CT55: variants seen among roughly 807,000 people sequenced by gnomAD.
The protein encoded by CT55 is cancer/testis antigen 55.
A neutral mutation model predicts 12.6 loss-of-function variants in CT55; 1 was observed. The observed-to-expected ratio is 0.08, with a 90% CI of 0.03 to 0.38. The LOEUF (loss-of-function observed/expected upper bound fraction) is 0.38, where lower values mean the gene tolerates loss of function less well. CT55 is among the 10% of genes least tolerant of loss of function. CT55 has a pLI of 0.99. For missense variants in CT55, 109 were observed against 135.4 expected (o/e 0.80, Z 0.97); for synonymous variants, 43 against 49.7 (o/e 0.87, Z 0.57).
intron 4 of CT55, 26 bp downstream of exon 4, chrX:135,158,173 G>A (rs1556404433): frequency 1.0e-6 from 1 of 989,697 alleles, no homozygotes. Flanking sequence ...AGAAACTGCT[G>A]ACGGGAGCAA....
Position 135,166,914 on chromosome X carries a change from T to C in CT55, c.279+2680A>G, listed in dbSNP as rs782309139. 4.5e-5 allele frequency among the ~76,000 whole-genome samples: 5 copies of C among 111,792 alleles called. No homozygotes were observed. In the South Asian group the frequency reaches 1.9e-3, roughly 42 times the overall value. Reference sequence around the variant, plus strand: ...CCAAGGAGGTGAAGGATTGCAACACTGAAAACTATAAACCATTGACGAAGC... The same window carrying C: ...CCAAGGAGGTGAAGGATTGCAACACCGAAAACTATAAACCATTGACGAAGC... On this transcript the variant is annotated intron_variant, in intron 2 of 5. Transcript: ENST00000276241.
chrX:135,163,613 G>A (rs1385924782), intron 2 of CT55, among the ~76,000 whole-genome samples: 1 of 111,017 alleles, frequency 9.0e-6, no homozygotes, highest in Non-Finnish European at 1.9e-5. Context: ...TCAAGAGGGA[G>A]GAGTGAAAAA....
At chrX:135,165,370 T>C (rs1267397597) in intron 2 of CT55, among the ~76,000 whole-genome samples, 2 of 111,787 alleles carry the variant, frequency 1.8e-5, no homozygotes, top group Non-Finnish European at 3.8e-5. Context: ...AGTGTAAACA[T>C]TTCTTGAGTT....
intron 4 of CT55, among the ~76,000 whole-genome samples, chrX:135,157,934 T>C (rs1404033422): frequency 2.7e-5 from 2 of 73,702 alleles, no homozygotes; most frequent in Non-Finnish European, 5.1e-5. Context: ...CTCCTGTCCT[T>C]GGAAGATTCT....
In CT55 at chrX:135,159,752, G is replaced by A. The variant is rs1246687250; in HGVS notation, c.424+659C>T. Among the ~76,000 whole-genome samples, 3 of 111,865 alleles carry A rather than the reference G, an allele frequency of 2.7e-5. No homozygotes were observed. In the Admixed American group the frequency reaches 2.9e-4, roughly 11 times the overall value. Reference sequence around the variant, plus strand: ...CAAACAAAATGCAGGTCAGAATCCTGCTTTTGCACCCAAGAAAACAAACTA... The same window carrying A: ...CAAACAAAATGCAGGTCAGAATCCTACTTTTGCACCCAAGAAAACAAACTA... On this transcript the variant is annotated intron_variant, in intron 3 of 5. Transcript: ENST00000276241.
chrX:135,165,299 G>GA (rs1169735619), intron 2 of CT55, among the ~76,000 whole-genome samples: 1 of 111,975 alleles, frequency 8.9e-6, no homozygotes, highest in Non-Finnish European at 1.9e-5. Context: ...TTTAGAAGTG[G>GA]ATGGAAATTA....
chrX:135,161,955 C>T (rs1180556732), intron 2 of CT55, among the ~76,000 whole-genome samples: 5 of 112,697 alleles, frequency 4.4e-5, no homozygotes, highest in African/African-American at 9.7e-5. Flanking sequence ...CTTGACTCCA[C>T]GCCAACTCAC....
At chrX:135,159,593 T>C (rs1485169435) in intron 3 of CT55, among the ~76,000 whole-genome samples, 3 of 111,442 alleles carry the variant, frequency 2.7e-5, no homozygotes, top group African/African-American at 6.5e-5. Flanking sequence ...TCCTCAGGTT[T>C]TCCACTTCTC....
intron 1 of CT55, 101 bp downstream of exon 1, chrX:135,170,977 G>A: frequency 8.7e-7 from 1 of 1,146,112 alleles, no homozygotes. Context: ...ACCGTCACGT[G>A]CAGTACCCAC....
intron 3 of CT55, among the ~76,000 whole-genome samples, chrX:135,158,883 G>A (rs1334618651): frequency 1.8e-5 from 2 of 112,619 alleles, no homozygotes; most frequent in Admixed American, 1.9e-4. Context: ...ATTGGTAGTA[G>A]TGGTAGCAGT....
chrX:135,169,887 A>T (rs1556406538), intron 1 of CT55, 109 bp from the exon 2 acceptor site: 2 of 414,950 alleles, frequency 4.8e-6, no homozygotes, highest in African/African-American at 5.2e-5. Context: ...AAGTTTTATA[A>T]CGTCTCTGAC....
chrX:135,158,459 T>A (rs1162168897), intron 3 of CT55, 148 bp from the exon 4 acceptor site: 1 of 404,369 alleles, frequency 2.5e-6, no homozygotes, highest in South Asian at 5.0e-5. Context: ...ACACTACAAA[T>A]CTCTAAGTCC....
chrX:135,171,669 C>T (rs2083612265), upstream of CT55, among the ~76,000 whole-genome samples: 1 of 111,492 alleles, frequency 9.0e-6, no homozygotes, highest in Non-Finnish European at 1.9e-5. Flanking sequence ...AAATCCTGCT[C>T]CTGCCCTTGT....
chrX:135,166,319 A>C (rs2083585046), intron 2 of CT55, among the ~76,000 whole-genome samples: 1 of 111,519 alleles, frequency 9.0e-6, no homozygotes, highest in Non-Finnish European at 1.9e-5. Flanking sequence ...AAATCAATAA[A>C]TGTGCTATAT....
intron 3 of CT55, among the ~76,000 whole-genome samples, chrX:135,158,586 C>T (rs1213568807): frequency 8.9e-6 from 1 of 112,295 alleles, no homozygotes; most frequent in Non-Finnish European, 1.9e-5. Context: ...ACAGGATTTA[C>T]TAAACAACTG....
intron 3 of CT55, among the ~76,000 whole-genome samples, chrX:135,159,949 CACAA>C (rs2083555545): frequency 9.0e-6 from 1 of 111,266 alleles, no homozygotes; most frequent in Non-Finnish European, 1.9e-5. Context: ...CACACACACA[CACAA>C]ACAGACAACC....
chrX:135,163,901 T>C (rs782241696), intron 2 of CT55, among the ~76,000 whole-genome samples: 136 of 110,679 alleles, frequency 1.2e-3, no homozygotes, highest in African/African-American at 4.3e-3. Context: ...GAGAGTAGTA[T>C]AGTATACTTT....
chrX:135,168,620 T>C (rs1212354220), intron 2 of CT55, among the ~76,000 whole-genome samples: 1 of 111,716 alleles, frequency 9.0e-6, no homozygotes, highest in Non-Finnish European at 1.9e-5. Context: ...AGCTTCCTTT[T>C]GAGTAATGAA....
At chrX:135,158,963 C>T (rs1556404657) in intron 3 of CT55, among the ~76,000 whole-genome samples, 1 of 112,160 alleles carries the variant, frequency 8.9e-6, no homozygotes, top group African/African-American at 3.2e-5. Context: ...CTAATGAACT[C>T]TTAAGTATGT....
Sources: allele counts gnomAD v4.1 joint callset (sites outside exome capture counted in the v4.1 genomes callset), GRCh38; gene constraint gnomAD v4.1.1; transcripts MANE v1.5; gene names NCBI Gene and HGNC (gene_info 2026-07-23, HGNC 2026-07-21).